MEI1: variants seen among roughly 807,000 people sequenced by gnomAD.
The protein encoded by MEI1 is meiosis inhibitor protein 1.
MEI1 carries 103 observed loss-of-function variants against 146.2 expected under a neutral mutation model. That is an observed-to-expected ratio of 0.70 (90% CI 0.60 to 0.83). MEI1 has a LOEUF of 0.83. Ranked by LOEUF, MEI1 falls within the 40% of genes least tolerant of loss-of-function variation. The pLI, the probability that MEI1 is intolerant of heterozygous loss-of-function variation, is 0.00. For synonymous variants in MEI1, 652 were observed against 628.2 expected, an observed-to-expected ratio of 1.04 and a Z score of -0.57; for missense variants, 1,529 against 1,533.0, an observed-to-expected ratio of 1.00 and a Z score of 0.04.
chr22:41,768,550 A>G (rs1367164693), intron 19 of MEI1, among the ~76,000 whole-genome samples: 2 of 152,230 alleles, frequency 1.3e-5, no homozygotes, highest in East Asian at 3.8e-4. Context: ...ATTTATAAAG[A>G]CAAGAGATTT....
At chr22:41,762,877 A>G (rs1034804739) in intron 18 of MEI1, among the ~76,000 whole-genome samples, 14 of 152,198 alleles carry the variant, frequency 9.2e-5, no homozygotes, top group Non-Finnish European at 1.2e-4. Flanking sequence ...GAACCCCAGC[A>G]GTAGCACCCT....
intron 7 of MEI1, 38 bp from the exon 8 acceptor site, chr22:41,729,627 G>A (rs1366009358): frequency 1.5e-6 from 2 of 1,365,208 alleles, no homozygotes; most frequent in Middle Eastern, 1.8e-4. Context: ...TCCTATTCGT[G>A]GTGTGACTGG....
chr22:41,706,716 T>TAA (rs887384164), intron 3 of MEI1, among the ~76,000 whole-genome samples: 2 of 139,640 alleles, frequency 1.4e-5, no homozygotes, highest in African/African-American at 2.6e-5. Context: ...CCCTTTCTCT[T>TAA]AAAAAAAAAA....
chr22:41,798,592 C>T (rs1249921867), intron 30 of MEI1, among the ~76,000 whole-genome samples: 1 of 148,530 alleles, frequency 6.7e-6, no homozygotes, highest in Non-Finnish European at 1.5e-5. Flanking sequence ...AAAAAGAAAG[C>T]TTGGGGGCCG....
At chr22:41,789,494 A>G (rs1013498634) in intron 26 of MEI1, among the ~76,000 whole-genome samples, 4 of 152,132 alleles carry the variant, frequency 2.6e-5, no homozygotes, top group African/African-American at 4.8e-5. Context: ...TATATATAAC[A>G]TACAATTTAG....
chr22:41,771,355 C>T (rs117483839), intron 20 of MEI1, among the ~76,000 whole-genome samples: 5 of 152,180 alleles, frequency 3.3e-5, no homozygotes, highest in African/African-American at 7.2e-5. Context: ...CAGAGGGACT[C>T]CTCCTCTTTT....
chr22:41,791,331 A>G (rs557295565), intron 26 of MEI1, among the ~76,000 whole-genome samples: 1 of 152,048 alleles, frequency 6.6e-6, no homozygotes, highest in African/African-American at 2.4e-5. Flanking sequence ...TATAAAAAAT[A>G]CAAAAAATTA....
At chr22:41,717,335 G>A (rs2070301514) in intron 5 of MEI1, among the ~76,000 whole-genome samples, 1 of 152,114 alleles carries the variant, frequency 6.6e-6, no homozygotes, top group Admixed American at 6.6e-5. Flanking sequence ...GCTAATTTTT[G>A]TATTTTTAGT....
chr22:41,732,746 C>A, intron 11 of MEI1, 143 bp downstream of exon 11: 2 of 915,574 alleles, frequency 2.2e-6, no homozygotes, highest in Non-Finnish European at 3.1e-6. Flanking sequence ...GATTCCACAT[C>A]CATGGATTCA....
At chr22:41,740,088 C>T (rs2072731549) in intron 11 of MEI1, among the ~76,000 whole-genome samples, 1 of 151,812 alleles carries the variant, frequency 6.6e-6, no homozygotes, top group Admixed American at 6.6e-5. Context: ...GGCTCGATCT[C>T]GGTTCACCAC....
At chr22:41,730,716 G>A (rs991937836) in intron 9 of MEI1, 79 bp downstream of exon 9, 2 of 880,882 alleles carry the variant, frequency 2.3e-6, no homozygotes, top group Non-Finnish European at 3.8e-6. Flanking sequence ...CAGTGATGGG[G>A]GGCTAGCCTC....
chr22:41,736,831 C>A (rs1347881238), intron 11 of MEI1, among the ~76,000 whole-genome samples: 1 of 152,214 alleles, frequency 6.6e-6, no homozygotes, highest in Non-Finnish European at 1.5e-5. Context: ...TAGGACCTGA[C>A]ATCTTTGGGT....
chr22:41,781,117 C>T (rs375960331), intron 22 of MEI1, among the ~76,000 whole-genome samples, 167 bp from the exon 23 acceptor site: 1 of 152,168 alleles, frequency 6.6e-6, no homozygotes. Flanking sequence ...TGTGAATGTG[C>T]CTTAAGGTTT....
intron 1 of MEI1, among the ~76,000 whole-genome samples, chr22:41,702,818 G>C (rs547155430): frequency 6.6e-6 from 1 of 151,980 alleles, no homozygotes; most frequent in Non-Finnish European, 1.5e-5. Context: ...GAATGCAGTG[G>C]CGCTATCTCG....
Position 41,799,412 on chromosome 22 carries a change from C to A in MEI1, c.*113C>A. 1 of 973,706 alleles carries A rather than the reference C, an allele frequency of 1.0e-6. No individual in the cohort carries two copies. Among genetic ancestry groups the A allele is most frequent in the Non-Finnish European group, 1.6e-6 (1 of 633,540 alleles). 60.3% of individuals were successfully genotyped at this position (973,706 alleles called of 1,614,324 possible). A position where few individuals can be genotyped will look rare whatever the true frequency, so the allele number is the denominator to read the frequency against. On this transcript the variant is annotated 3_prime_UTR_variant, in exon 31 of 31. Transcript: ENST00000401548. ...AGCTATTCATATGGAGCCATATACTCTATTGTTGAAATAGAATAAGGAAAT... is the reference window on the plus strand; with the variant it reads ...AGCTATTCATATGGAGCCATATACTATATTGTTGAAATAGAATAAGGAAAT...
chr22:41,799,276 T>C lies in MEI1; in HGVS notation c.3802T>C (p.Ser1268Pro). The change falls in exon 31 of 31, where the codon TCC (serine) becomes CCC (proline). Residue 1268 changes from serine (S) to proline (P), a missense_variant. Transcript: ENST00000401548. ...CAGCTGCCTGGGAGGGGTGGCTGTA[T>C]CCCTGTCCCACATCAGAAACTGATC... ...DMLCLGGVAV[S>P]LSHIRN The C allele has an allele frequency of 6.2e-7, 1 of 1,613,456 alleles. No individual in the cohort carries two copies. The highest frequency in any genetic ancestry group is 8.5e-7 in the Non-Finnish European group (1 of 1,179,638).
chr22:41,716,119 C>T lies in MEI1; in HGVS notation c.502C>T (p.Leu168=). ...LGKLVDAIPA[L]ADELVMEHGN... ...CAAGTTGGTGGATGCCATCCCTGCTCTGGCAGACGAGCTTGTAATGGAGCA... is the reference window on the plus strand; with the variant it reads ...CAAGTTGGTGGATGCCATCCCTGCTTTGGCAGACGAGCTTGTAATGGAGCA... Residue 168 remains leucine, a synonymous_variant, in exon 5 of 31, where the codon CTG becomes TTG. Transcript: ENST00000401548. 6.2e-7 allele frequency: 1 copy of T among 1,610,546 alleles called. No homozygotes were observed. Among genetic ancestry groups the T allele is most frequent in the South Asian group, 1.1e-5 (1 of 90,066 alleles).
chr22:41,699,575 G>T lies in MEI1; in HGVS notation c.37G>T (p.Gly13Trp), dbSNP rs377011126. Reference protein sequence around the residue: ...VRQAATAGTPGPRREEEAALL... With the variant: ...VRQAATAGTPWPRREEEAALL... Reference sequence around the variant, plus strand: ...GCAGGCGGCGACGGCGGGCACTCCCGGGCCCAGGAGAGAGGAAGAGGCGGC... The same window carrying T: ...GCAGGCGGCGACGGCGGGCACTCCCTGGCCCAGGAGAGAGGAAGAGGCGGC... The change falls in exon 1 of 31, where the codon GGG becomes TGG. Residue 13 changes from glycine to tryptophan, a missense_variant. Physicochemically the swap from Gly to Trp is radical, Grantham distance 184 (BLOSUM62 -2). Transcript: ENST00000401548. 2.5e-6 allele frequency: 4 copies of T among 1,612,540 alleles called. No individual in the cohort carries two copies. Among genetic ancestry groups the T allele is most frequent in the Non-Finnish European group, 3.4e-6 (4 of 1,179,376 alleles).
intron 19 of MEI1, among the ~76,000 whole-genome samples, chr22:41,770,374 T>C (rs2148042686): frequency 6.6e-6 from 1 of 152,078 alleles, no homozygotes; most frequent in African/African-American, 2.4e-5. Flanking sequence ...TGATAAGCTT[T>C]GTAGGATATT....
Sources: gnomAD v4.1 joint callset for allele counts (sites outside exome capture counted in the v4.1 genomes callset) on GRCh38, gnomAD v4.1.1 for gene constraint, MANE v1.5 for transcripts, NCBI Gene and HGNC (gene_info 2026-07-23, HGNC 2026-07-21) for gene names.